The following THRB variants were observed in gnomAD, a reference collection of about 807,000 sequenced individuals.
THRB encodes nuclear receptor subfamily 1 group A member 2.
A neutral mutation model predicts 47.8 loss-of-function variants in THRB; 12 were observed. That is an observed-to-expected ratio of 0.25 (90% confidence interval 0.16 to 0.41). THRB has a LOEUF of 0.41. Among genes scored for constraint, THRB ranks in the 10% least tolerant of loss-of-function variants. The probability of loss-of-function intolerance (pLI) is 1.00; values close to 1 mark genes in which losing one functional copy is unlikely to be tolerated. For missense variants in THRB, 348 were observed against 589.2 expected, an observed-to-expected ratio of 0.59 and a Z score of 4.24; for synonymous variants, 218 against 212.2, an observed-to-expected ratio of 1.03 and a Z score of -0.24.
At position 24,143,923 on chromosome 3, in the gene THRB, C is replaced by T. The variant is rs571185006; in HGVS notation, c.533-217G>A. On this transcript the variant is annotated intron_variant, in intron 7 of 10. Transcript: ENST00000646209. ...TCTCTAGAGCCAAACTCCCCATGAC[C>T]GGCCAGCTTTTCAAAACAAAGTCCC... 84 of 592,030 alleles carry T rather than the reference C, an allele frequency of 1.4e-4. 1 individual carries two copies. Among genetic ancestry groups the T allele is most frequent in the African/African-American group, 1.2e-3 (62 of 53,742 alleles). The allele number at this position is 592,030 out of a possible 1,614,324, so 36.7% of individuals were successfully genotyped here.
chr3:24,246,585 A>G (rs2050133453), intron 3 of THRB, among the ~76,000 whole-genome samples: 1 of 152,222 alleles, frequency 6.6e-6, no homozygotes, highest in Admixed American at 6.5e-5. Flanking sequence ...CAGCATTTGC[A>G]TAACTGACTC....
chr3:24,464,411 A>T (rs2073969867), intron 1 of THRB, among the ~76,000 whole-genome samples: 1 of 152,188 alleles, frequency 6.6e-6, no homozygotes, highest in Admixed American at 6.5e-5. Flanking sequence ...TTAATATTTT[A>T]TTTTGTCTAA....
chr3:24,242,188 C>T (rs2049595752), intron 3 of THRB, among the ~76,000 whole-genome samples: 1 of 152,152 alleles, frequency 6.6e-6, no homozygotes, highest in East Asian at 1.9e-4. Context: ...TAAATCCTCT[C>T]CAAGTTTTTT....
chr3:24,183,363 C>CTTT (rs2042158277), intron 5 of THRB, among the ~76,000 whole-genome samples: 1 of 74,876 alleles, frequency 1.3e-5, no homozygotes, highest in African/African-American at 5.0e-5. Flanking sequence ...TTTCTTTTTT[C>CTTT]TTTTCTTTTT....
At chr3:24,305,704 G>A (rs1389030504) in intron 2 of THRB, among the ~76,000 whole-genome samples, 1 of 152,064 alleles carries the variant, frequency 6.6e-6, no homozygotes, top group Non-Finnish European at 1.5e-5. Context: ...CAAATTTCAG[G>A]CATTTCACAT....
chr3:24,294,482 G>C (rs993967461), intron 3 of THRB, among the ~76,000 whole-genome samples: 2 of 152,206 alleles, frequency 1.3e-5, no homozygotes, highest in Non-Finnish European at 2.9e-5. Flanking sequence ...TTAGATGTAA[G>C]AGGCAGTTTG....
At chr3:24,389,765 A>G (rs2066418878) in intron 1 of THRB, among the ~76,000 whole-genome samples, 1 of 152,072 alleles carries the variant, frequency 6.6e-6, no homozygotes, top group East Asian at 1.9e-4. Context: ...GATACACTCA[A>G]CTGACAGAGG....
chr3:24,149,099 A>G (rs1359029058), intron 6 of THRB, among the ~76,000 whole-genome samples: 1 of 152,198 alleles, frequency 6.6e-6, no homozygotes, highest in East Asian at 1.9e-4. Flanking sequence ...TGAGAGTGAA[A>G]AACAAGTTTC....
At chr3:24,269,403 G>GCGCACACA (rs1175063428) in intron 3 of THRB, among the ~76,000 whole-genome samples, 22 of 72,676 alleles carry the variant, frequency 3.0e-4, no homozygotes, top group African/African-American at 7.9e-4. Flanking sequence ...GCGCGCGCGC[G>GCGCACACA]CACACACACA....
chr3:24,219,916 TG>T (rs1205800107), intron 4 of THRB, among the ~76,000 whole-genome samples: 3 of 152,214 alleles, frequency 2.0e-5, no homozygotes, highest in African/African-American at 4.8e-5. Flanking sequence ...TAACACCAGA[TG>T]CGTAGCGGAA....
intron 4 of THRB, among the ~76,000 whole-genome samples, chr3:24,194,761 T>C (rs756699671): frequency 2.0e-5 from 3 of 152,146 alleles, no homozygotes; most frequent in Non-Finnish European, 4.4e-5. Flanking sequence ...AGAAAATAAA[T>C]CTGTCCATCA....
intron 4 of THRB, among the ~76,000 whole-genome samples, chr3:24,213,587 A>G (rs929721994): frequency 1.3e-5 from 2 of 152,194 alleles, no homozygotes; most frequent in Non-Finnish European, 2.9e-5. Context: ...AGACGACAAT[A>G]CAATCAGATG....
chr3:24,237,435 C>T (rs1011517250), intron 3 of THRB, among the ~76,000 whole-genome samples: 2 of 152,086 alleles, frequency 1.3e-5, no homozygotes, highest in Non-Finnish European at 2.9e-5. Context: ...ACTTCCACTC[C>T]ACCCACTCTC....
intron 3 of THRB, among the ~76,000 whole-genome samples, chr3:24,277,985 A>G (rs1016767895): frequency 6.6e-6 from 1 of 152,268 alleles, no homozygotes; most frequent in East Asian, 1.9e-4. Context: ...GGACAGTTTC[A>G]TTATGCTGGG....
chr3:24,398,700 C>T (rs1411663538), intron 1 of THRB, among the ~76,000 whole-genome samples: 1 of 152,116 alleles, frequency 6.6e-6, no homozygotes, highest in African/African-American at 2.4e-5. Context: ...ACTAGAAATA[C>T]CATTTGACCC....
chr3:24,280,875 G>A (rs2054510452), intron 3 of THRB, among the ~76,000 whole-genome samples: 1 of 151,790 alleles, frequency 6.6e-6, no homozygotes, highest in African/African-American at 2.4e-5. Context: ...AGCGAGAAGG[G>A]AAGTTTAGAG....
rs557987667 is a variant in THRB, at chr3:24,126,385, T to C, written c.1144+1114A>G. On this transcript the variant is annotated intron_variant, in intron 10 of 10. Transcript: ENST00000646209. The stretch of plus-strand genomic sequence containing the variant: ...AACAGAGCAAGACCGTGTCTCAGGT[T>C]AAAAAAAAAAAATTTCCTACTGAGT... Among the ~76,000 whole-genome samples the C allele has an allele frequency of 8.3e-4, 122 of 147,422 alleles. 1 individual carries two copies. The highest frequency in any genetic ancestry group is 3.6e-3 in the Middle Eastern group (1 of 280).
At chr3:24,325,864 A>G (rs2058772098) in intron 2 of THRB, among the ~76,000 whole-genome samples, 2 of 152,224 alleles carry the variant, frequency 1.3e-5, no homozygotes, top group Admixed American at 1.3e-4. Flanking sequence ...AACAGTCCAG[A>G]AATGATACCA....
In THRB at chr3:24,190,086, TCTC is replaced by T. The variant is rs2043142420; in HGVS notation, c.268_270del (p.Glu90del). 5 of 1,614,054 alleles carry T rather than the reference TCTC, an allele frequency of 3.1e-6. No individual in the cohort carries two copies. The highest frequency in any genetic ancestry group is 2.2e-5 in the South Asian group (2 of 91,080). On this transcript the variant is annotated inframe_deletion, in exon 5 of 11. Transcript: ENST00000646209. Reference sequence around the variant, plus strand: ...AAAATCTGGTTACCTTTACATTTCTTCTCCTCCGTTTGGAAGGTCTGGGCACTT... The same window carrying T: ...AAAATCTGGTTACCTTTACATTTCTTCTCCGTTTGGAAGGTCTGGGCACTT...
Sources: gnomAD v4.1 joint callset for allele counts (sites outside exome capture counted in the v4.1 genomes callset) on GRCh38, gnomAD v4.1.1 for gene constraint, MANE v1.5 for transcripts, NCBI Gene and HGNC (gene_info 2026-07-23, HGNC 2026-07-21) for gene names.